Variants in TMEM240 observed in about 807,000 individuals in gnomAD.
TMEM240 encodes transmembrane protein C1orf70.
A neutral mutation model predicts 19.5 loss-of-function variants in TMEM240; 3 were observed. That is an observed-to-expected ratio of 0.15 (90% confidence interval 0.07 to 0.40). TMEM240 has a LOEUF of 0.40. Among genes scored for constraint, TMEM240 ranks in the 10% least tolerant of loss-of-function variants. The probability of loss-of-function intolerance (pLI) is 1.00; values close to 1 mark genes in which losing one functional copy is unlikely to be tolerated. For missense variants in TMEM240, 210 were observed against 253.5 expected, an observed-to-expected ratio of 0.83 and a Z score of 1.17; for synonymous variants, 123 against 109.3, an observed-to-expected ratio of 1.13 and a Z score of -0.78.
chr1:1,539,992 G>A (rs1035801985), intron 1 of TMEM240, among the ~76,000 whole-genome samples: 1 of 107,660 alleles, frequency 9.3e-6, no homozygotes, highest in Non-Finnish European at 2.0e-5. Context: ...GCCGGGGTGG[G>A]GGGAGCGCAG....
rs5772044 is a variant in TMEM240 at position 1,534,913 on chromosome 1, G to GCCCCCCCC, written c.*445_*446insGGGGGGGG. The stretch of plus-strand genomic sequence containing the variant: ...ACCCTGTGGCTGTGCACACGCGGGT[G>GCCCCCCCC]CTCCCCTCGCCCCCCTCCCCTCCGC... On this transcript the variant is annotated 3_prime_UTR_variant, in exon 4 of 4. Transcript: ENST00000378733. Among the ~76,000 whole-genome samples the GCCCCCCCC allele has an allele frequency of 8.0e-5, 12 of 149,270 alleles. No homozygotes were observed. The highest frequency in any genetic ancestry group is 2.8e-4 in the African/African-American group (11 of 39,272).
chr1:1,537,175 TC>T (rs1235567607), intron 2 of TMEM240, among the ~76,000 whole-genome samples: 1 of 151,524 alleles, frequency 6.6e-6, no homozygotes, highest in Non-Finnish European at 1.5e-5. Context: ...TGCCCCACGC[TC>T]CCCTTGAAGC....
Position 1,540,602 on chromosome 1 carries a change from A to C in TMEM240, c.-256T>G, listed in dbSNP as rs1239283875. 6.3e-6 allele frequency: 1 copy of C among 158,426 alleles called. No homozygotes were observed. Among genetic ancestry groups the C allele is most frequent in the African/African-American group, 2.5e-5 (1 of 40,404 alleles). The allele number at this position is 158,426 out of a possible 1,614,324, so 9.8% of individuals were successfully genotyped here. A position where few individuals can be genotyped will look rare whatever the true frequency, so the allele number is the denominator to read the frequency against. The stretch of plus-strand genomic sequence containing the variant: ...GCTCCGCCCTCGGGTCCTCCCTGCG[A>C]TGCGCTCGGCTCGGCTCGACTCGGC... On this transcript the variant is annotated 5_prime_UTR_variant, in exon 1 of 4. Transcript: ENST00000378733.
chr1:1,539,373 T>G (rs1477746722), intron 2 of TMEM240: 2 of 385,742 alleles, frequency 5.2e-6, no homozygotes, highest in Non-Finnish European at 9.6e-6. Context: ...CCAGCCCTGA[T>G]GAGGCTGGCT....
At chr1:1,537,940 G>A (rs889517867) in intron 2 of TMEM240, among the ~76,000 whole-genome samples, 8 of 152,208 alleles carry the variant, frequency 5.3e-5, no homozygotes, top group South Asian at 4.1e-4. Context: ...CGTTCTCCAC[G>A]TCAACGTCTA....
intron 2 of TMEM240, among the ~76,000 whole-genome samples, chr1:1,538,835 T>A (rs1164156372): frequency 1.3e-5 from 2 of 152,200 alleles, no homozygotes; most frequent in African/African-American, 2.4e-5. Flanking sequence ...GCAGCAGAGA[T>A]GACGAACACG....
intron 1 of TMEM240, 150 bp downstream of exon 1, chr1:1,540,140 G>A: frequency 4.1e-6 from 1 of 243,952 alleles, no homozygotes; most frequent in Non-Finnish European, 7.0e-6. Context: ...GGGAGCGCAG[G>A]CCGGGGAGGG....
At position 1,536,869 on chromosome 1, in the gene TMEM240, A is replaced by C. The variant is rs1028711866; in HGVS notation, c.165-1072T>G. 4.6e-5 allele frequency among the ~76,000 whole-genome samples: 7 copies of C among 151,560 alleles called. No homozygotes were observed. Among genetic ancestry groups the C allele is most frequent in the Non-Finnish European group, 8.8e-5 (6 of 67,886 alleles). ...CACGTGGGATCCGCAGACACCTTAA[A>C]CTTGTGCCTAAAAATAGCTCCTCTC... On this transcript the variant is annotated intron_variant, in intron 2 of 3. Coordinates refer to ENST00000378733, the MANE Select transcript of TMEM240 (RefSeq NM_001114748.2). This position sits in a 1 kb window ranked among gnomAD's most constrained non-coding sequence, Gnocchi z 5.4.
Position 1,540,358 on chromosome 1 carries a change from G to A in TMEM240, c.-12C>T. 2 of 1,197,408 alleles carry A rather than the reference G, an allele frequency of 1.7e-6. No homozygotes were observed. The highest frequency in any genetic ancestry group is 2.1e-6 in the Non-Finnish European group (2 of 959,506). The allele number at this position is 1,197,408 out of a possible 1,614,324, so 74.2% of individuals were successfully genotyped here. Reference sequence around the variant, plus strand: ...GCGCTCATGGACATCGGGCGGGGCCGGGCCGGGCCGGAGCGCCGCCCCCCG... The same window carrying A: ...GCGCTCATGGACATCGGGCGGGGCCAGGCCGGGCCGGAGCGCCGCCCCCCG... On this transcript the variant is annotated 5_prime_UTR_variant, in exon 1 of 4. Transcript: ENST00000378733.
At position 1,540,428 on chromosome 1, in the gene TMEM240, G is replaced by A. The variant is rs1460872579; in HGVS notation, c.-82C>T. The A allele has an allele frequency of 4.4e-6, 2 of 451,630 alleles. No homozygotes were observed. Among genetic ancestry groups the A allele is most frequent in the Non-Finnish European group, 5.9e-6 (2 of 336,140 alleles). 28.0% of individuals were successfully genotyped at this position (451,630 alleles called of 1,614,324 possible). ...CCCGGCCCGATGCTGAGCCCCCGCCGCCTCCGCAGAGGTCAGCGCTTCCCT... is the reference window on the plus strand; with the variant it reads ...CCCGGCCCGATGCTGAGCCCCCGCCACCTCCGCAGAGGTCAGCGCTTCCCT... On this transcript the variant is annotated 5_prime_UTR_variant, in exon 1 of 4. Coordinates refer to ENST00000378733, the MANE Select transcript of TMEM240 (RefSeq NM_001114748.2).
chr1:1,540,331 T>A lies in TMEM240; in HGVS notation c.16A>T (p.Asn6Tyr). 1 of 1,284,484 alleles carries A rather than the reference T, an allele frequency of 7.8e-7. No individual in the cohort carries two copies. The highest frequency in any genetic ancestry group is 1.0e-6 in the Non-Finnish European group (1 of 1,004,984). The allele number at this position is 1,284,484 out of a possible 1,614,324, so 79.6% of individuals were successfully genotyped here. The part of the protein sequence containing the change: MSMSA[N>Y]TMIFMILGAS... ...CCCAGAATCATGAAGATCATGGTGT[T>A]CGCGCTCATGGACATCGGGCGGGGC... The change falls in exon 1 of 4, where the codon AAC becomes TAC. Residue 6 changes from asparagine to tyrosine, a missense_variant. Around this residue, in one of 3 missense-constraint regions of TMEM240, gnomAD observed 30 missense variants for 27.7 expected, o/e 1.08. Transcript: ENST00000378733.
At chr1:1,537,463 G>A (rs1642238923) in intron 2 of TMEM240, among the ~76,000 whole-genome samples, 1 of 152,124 alleles carries the variant, frequency 6.6e-6, no homozygotes, top group African/African-American at 2.4e-5. Context: ...CAGGGGCTCA[G>A]TAACTTTGGG....
In TMEM240 at chr1:1,535,102, GA is replaced by G. The variant is rs1370142055; in HGVS notation, c.*256del. ...CTCCCTGCCCCCCAGCACCGCTGGGGATGAGTCCGCCCTTGTGTCCTGCCCC... is the reference window on the plus strand; with the variant it reads ...CTCCCTGCCCCCCAGCACCGCTGGGGTGAGTCCGCCCTTGTGTCCTGCCCC... On this transcript the variant is annotated 3_prime_UTR_variant, in exon 4 of 4. Transcript: ENST00000378733. The surrounding 1 kb of genome is among the most constrained non-coding windows in gnomAD (Gnocchi z 8.2). 1 of 353,838 alleles carries G rather than the reference GA, an allele frequency of 2.8e-6. No homozygotes were observed. Among genetic ancestry groups the G allele is most frequent in the Non-Finnish European group, 5.1e-6 (1 of 197,486 alleles). 21.9% of individuals were successfully genotyped at this position (353,838 alleles called of 1,614,324 possible).
chr1:1,538,475 C>T (rs182117096), intron 2 of TMEM240, among the ~76,000 whole-genome samples: 310 of 152,384 alleles, frequency 2.0e-3, no homozygotes, highest in African/African-American at 7.0e-3. Flanking sequence ...CCCCAGCCCA[C>T]GTGCGTGGAG....
Position 1,535,723 on chromosome 1 carries a change from G to T in TMEM240, c.239C>A (p.Thr80Lys), listed in dbSNP as rs606231454. ...GATCTCCTGCTTGGTCACACTGTCC[G>T]TCACAAAGTAGTTCTCGGAGGCGTC... ...VVDASENYFV[T>K]DSVTKQEIDL... The change falls in exon 3 of 4, where the codon ACG (threonine) becomes AAG (lysine). Residue 80 changes from threonine (T) to lysine (K), a missense_variant. Transcript: ENST00000378733. This position sits in a 1 kb window ranked among gnomAD's most constrained non-coding sequence, Gnocchi z 8.2. The T allele has an allele frequency of 1.3e-6, 2 of 1,550,376 alleles. No homozygotes were observed. Among genetic ancestry groups the T allele is most frequent in the South Asian group, 1.2e-5 (1 of 84,060 alleles).
rs1035219027 is a variant in TMEM240 at position 1,536,819 on chromosome 1, G to A, written c.165-1022C>T. ...ACTCCTGGCTGCCTCCCACATCTCC[G>A]CCGAGCTCCAGCTGCCTGTGTCTCC... On this transcript the variant is annotated intron_variant, in intron 2 of 3. Transcript: ENST00000378733. The surrounding 1 kb of genome is among the most constrained non-coding windows in gnomAD (Gnocchi z 5.4). Among the ~76,000 whole-genome samples the A allele has an allele frequency of 5.3e-5, 8 of 152,032 alleles. No homozygotes were observed. Among genetic ancestry groups the A allele is most frequent in the African/African-American group, 1.4e-4 (6 of 41,392 alleles).
In TMEM240 at chr1:1,535,495, G is replaced by A; in HGVS notation, c.386C>T (p.Thr129Ile). The change falls in exon 4 of 4, where the codon ACC becomes ATC. Residue 129 changes from threonine to isoleucine, a missense_variant. Transcript: ENST00000378733. The surrounding 1 kb of genome is among the most constrained non-coding windows in gnomAD (Gnocchi z 8.2). ...RAGRRYDGSW[T>I]WLPKLCSLRE... ...CAGGCTGCACAGCTTGGGCAGCCAG[G>A]TCCACGAGCCATCTGCGGGGGGACA... 2 of 1,547,004 alleles carry A rather than the reference G, an allele frequency of 1.3e-6. No homozygotes were observed. Among genetic ancestry groups the A allele is most frequent in the Non-Finnish European group, 1.7e-6 (2 of 1,145,104 alleles).
Position 1,536,364 on chromosome 1 carries a change from A to C in TMEM240, c.165-567T>G, listed in dbSNP as rs556617153. 6.6e-6 allele frequency among the ~76,000 whole-genome samples: 1 copy of C among 151,894 alleles called. No homozygotes were observed. The highest frequency in any genetic ancestry group is 1.5e-5 in the Non-Finnish European group (1 of 67,882). ...CCCCTGGTGTTTCTTCTGCTCCTCT[A>C]TCCCTGGGAGGTGCTGTCGGAGGCC... On this transcript the variant is annotated intron_variant, in intron 2 of 3. Transcript: ENST00000378733. This position sits in a 1 kb window ranked among gnomAD's most constrained non-coding sequence, Gnocchi z 5.4.
rs559845431 is a variant in TMEM240 at position 1,536,110 on chromosome 1, C to T, written c.165-313G>A. Among the ~76,000 whole-genome samples the T allele has an allele frequency of 2.8e-4, 43 of 152,202 alleles. No individual in the cohort carries two copies. The highest frequency in any genetic ancestry group is 5.3e-4 in the Non-Finnish European group (36 of 67,978). The stretch of plus-strand genomic sequence containing the variant: ...CCTCCTCCCTGAGGCCTGGAGCTCA[C>T]GGGAAGGTGCTGCAGGTGGAAGAGG... On this transcript the variant is annotated intron_variant, in intron 2 of 3. Transcript: ENST00000378733. The surrounding 1 kb of genome is among the most constrained non-coding windows in gnomAD (Gnocchi z 5.4).
Sources: gnomAD v4.1 joint callset for allele counts (sites outside exome capture counted in the v4.1 genomes callset) on GRCh38, gnomAD v4.1.1 for gene constraint, gnomAD v4.1.1 regional missense constraint, Gnocchi (gnomAD v3.1) non-coding constraint, MANE v1.5 for transcripts, NCBI Gene and HGNC (gene_info 2026-07-23, HGNC 2026-07-21) for gene names.